KDM5A: variants seen among roughly 807,000 people sequenced by gnomAD.
KDM5A encodes lysine-specific demethylase 5A.
A neutral mutation model predicts 193.5 loss-of-function variants in KDM5A; 42 were observed. The ratio of observed to expected loss-of-function variants is 0.22; its 90% confidence interval spans 0.17 to 0.28. The LOEUF (loss-of-function observed/expected upper bound fraction) is 0.28, where lower values mean the gene tolerates loss of function less well. KDM5A is among the 10% of genes least tolerant of loss of function. The probability of loss-of-function intolerance (pLI) is 1.00; values close to 1 mark genes in which losing one functional copy is unlikely to be tolerated. For synonymous variants in KDM5A, 796 were observed against 718.1 expected, an observed-to-expected ratio of 1.11 and a Z score of -1.73; for missense variants, 1,692 against 2,055.1, an observed-to-expected ratio of 0.82 and a Z score of 3.42.
chr12:323,585 A>G lies in KDM5A; in HGVS notation c.2150+15T>C. ...AAAAAAGGTAATGGAAGTTTTACAA[A>G]ATACTTTTGGATACCTAAGACATTT... On this transcript the variant is annotated intron_variant, in intron 15 of 27. Coordinates refer to ENST00000399788, the MANE Select transcript of KDM5A (RefSeq NM_001042603.3). The G allele has an allele frequency of 6.2e-7, 1 of 1,612,258 alleles. No individual in the cohort carries two copies. Among genetic ancestry groups the G allele is most frequent in the Admixed American group, 1.7e-5 (1 of 60,024 alleles).
intron 13 of KDM5A, among the ~76,000 whole-genome samples, chr12:330,085 G>GTGTGTGTGTGTGTGTGTGTGTGTATA (rs377271333): frequency 7.2e-5 from 10 of 139,320 alleles, no homozygotes; most frequent in Non-Finnish European, 1.4e-4. Context: ...GTGTGTGTGT[G>GTGTGTGTGTGTGTGTGTGTGTGTATA]TATATATATA....
At chr12:351,247 C>A (rs1439129806) in intron 9 of KDM5A, among the ~76,000 whole-genome samples, 1 of 152,106 alleles carries the variant, frequency 6.6e-6, no homozygotes, top group Non-Finnish European at 1.5e-5. Flanking sequence ...GTGTGATGTT[C>A]CCCTTCCTGT....
intron 3 of KDM5A, among the ~76,000 whole-genome samples, chr12:378,785 C>T (rs7312065): frequency 0.7 from 106,813 of 151,582 alleles, 37,803 homozygotes; most frequent in Middle Eastern, 0.78. Context: ...GGTGAAACCC[C>T]GTCTCTACTA....
At chr12:305,214 T>A (rs931650685) in intron 24 of KDM5A, among the ~76,000 whole-genome samples, 10 of 152,104 alleles carry the variant, frequency 6.6e-5, no homozygotes, top group African/African-American at 2.4e-4. Flanking sequence ...CAACAAAACT[T>A]GGCCATCTGT....
intron 20 of KDM5A, among the ~76,000 whole-genome samples, 200 bp downstream of exon 20, chr12:312,856 C>T (rs1295984091): frequency 1.3e-5 from 2 of 152,192 alleles, no homozygotes; most frequent in African/African-American, 2.4e-5. Context: ...GGCACAAGTT[C>T]AAAATTCAAA....
At chr12:371,553 G>C (rs1944428050) in intron 3 of KDM5A, among the ~76,000 whole-genome samples, 1 of 152,244 alleles carries the variant, frequency 6.6e-6, no homozygotes, top group Non-Finnish European at 1.5e-5. Context: ...CCTTCTGTAG[G>C]TTGCTTGTTT....
chr12:350,868 C>A, intron 9 of KDM5A, 89 bp from the exon 10 acceptor site: 5 of 1,162,248 alleles, frequency 4.3e-6, no homozygotes, highest in Admixed American at 3.6e-5. Flanking sequence ...TAAACACAAA[C>A]CCATGATGAG....
chr12:365,542 T>C (rs183721544), intron 4 of KDM5A, among the ~76,000 whole-genome samples: 86 of 152,288 alleles, frequency 5.6e-4, no homozygotes, highest in Admixed American at 2.7e-3. Context: ...TTTTGGGGGC[T>C]AGTGGAAGTG....
chr12:317,429 C>T (rs1406623387), intron 19 of KDM5A, among the ~76,000 whole-genome samples: 2 of 152,118 alleles, frequency 1.3e-5, no homozygotes, highest in Non-Finnish European at 2.9e-5. Context: ...CCTTACCTTT[C>T]GGTTAACATT....
At chr12:300,251 T>C (rs1271104143) in intron 24 of KDM5A, among the ~76,000 whole-genome samples, 3 of 152,038 alleles carry the variant, frequency 2.0e-5, no homozygotes, top group African/African-American at 7.2e-5. Flanking sequence ...CACCACATCA[T>C]ACTTATTCTA....
intron 27 of KDM5A, among the ~76,000 whole-genome samples, chr12:290,563 A>T (rs1943280063): frequency 6.6e-6 from 1 of 152,232 alleles, no homozygotes; most frequent in South Asian, 2.1e-4. Flanking sequence ...TATTAGGAGC[A>T]AATCTCACAG....
intron 7 of KDM5A, 75 bp downstream of exon 7, chr12:355,083 A>T: frequency 2.3e-6 from 2 of 870,952 alleles, no homozygotes; most frequent in Non-Finnish European, 4.0e-6. Context: ...ACATACCATG[A>T]TATATCAGGA....
At chr12:366,413 A>C (rs4140962) in intron 3 of KDM5A, among the ~76,000 whole-genome samples, 1 of 151,962 alleles carries the variant, frequency 6.6e-6, no homozygotes, top group East Asian at 1.9e-4. Context: ...TACCTACTTA[A>C]GGAACTCACA....
intron 4 of KDM5A, among the ~76,000 whole-genome samples, chr12:364,455 C>T (rs1188501222): frequency 4.0e-5 from 6 of 148,598 alleles, no homozygotes; most frequent in African/African-American, 1.0e-4. Context: ...CCAGCCTGGG[C>T]GACACAGCAA....
At chr12:359,295 G>A (rs1020310759) in intron 5 of KDM5A, among the ~76,000 whole-genome samples, 7 of 152,160 alleles carry the variant, frequency 4.6e-5, no homozygotes, top group Admixed American at 6.5e-5. Context: ...CAAGCACACC[G>A]TGTGCTCACA....
intron 3 of KDM5A, among the ~76,000 whole-genome samples, chr12:371,340 T>C (rs1169466437): frequency 6.6e-6 from 1 of 152,204 alleles, no homozygotes; most frequent in Non-Finnish European, 1.5e-5. Flanking sequence ...TCATTGTGGT[T>C]TTGATTTGCA....
intron 24 of KDM5A, among the ~76,000 whole-genome samples, chr12:301,350 C>G (rs1943439138): frequency 6.6e-6 from 1 of 152,150 alleles, no homozygotes; most frequent in East Asian, 1.9e-4. Flanking sequence ...CAGCTTCGTC[C>G]CCAGGATGCA....
rs184379007 is a variant in KDM5A at position 333,388 on chromosome 12, C to T, written c.1653+99G>A. On this transcript the variant is annotated intron_variant, in intron 12 of 27. Transcript: ENST00000399788. ...GAGCAATCATCGTGCCGCTGCACTC[C>T]AGCCTGGGCAACAGAGCAAGACCCT... is the stretch of plus-strand genomic sequence containing the variant. The T allele has an allele frequency of 4.7e-5, 64 of 1,357,036 alleles. No homozygotes were observed. The African/African-American group carries it at 8.6e-4, about 18-fold the overall frequency. 84.1% of individuals were successfully genotyped at this position (1,357,036 alleles called of 1,614,324 possible).
chr12:376,893 A>T (rs1944512230), intron 3 of KDM5A, among the ~76,000 whole-genome samples: 2 of 152,198 alleles, frequency 1.3e-5, no homozygotes, highest in Non-Finnish European at 2.9e-5. Context: ...AGATAGTGAT[A>T]AGCCAAAACA....
Sources: allele counts gnomAD v4.1 joint callset (sites outside exome capture counted in the v4.1 genomes callset), GRCh38; gene constraint gnomAD v4.1.1; transcripts MANE v1.5; gene names NCBI Gene and HGNC (gene_info 2026-07-23, HGNC 2026-07-21).